Variants in ZNF407 observed in about 807,000 individuals in gnomAD.
ZNF407 encodes zinc finger protein 407.
A neutral mutation model predicts 131.2 loss-of-function variants in ZNF407; 17 were observed. The ratio of observed to expected loss-of-function variants is 0.13; its 90% CI spans 0.09 to 0.19. The LOEUF (loss-of-function observed/expected upper bound fraction) is 0.19, where lower values mean the gene tolerates loss of function less well. Among genes scored for constraint, ZNF407 ranks in the 10% least tolerant of loss-of-function variants. The pLI, the probability that ZNF407 is intolerant of heterozygous loss-of-function variation, is 1.00. For synonymous variants in ZNF407, 1,156 were observed against 1,062.0 expected (o/e 1.09, Z -1.72); for missense variants, 2,681 against 2,830.6 (o/e 0.95, Z 1.20).
chr18:75,009,762 G>T (rs959818005), intron 8 of ZNF407, among the ~76,000 whole-genome samples: 1 of 152,138 alleles, frequency 6.6e-6, no homozygotes, highest in African/African-American at 2.4e-5. Context: ...CAAGATAAAA[G>T]TTACAGAGCC....
intron 8 of ZNF407, among the ~76,000 whole-genome samples, chr18:74,976,600 G>GTC (rs1264417870): frequency 3.3e-5 from 5 of 152,218 alleles, no homozygotes; most frequent in Non-Finnish European, 5.9e-5. Flanking sequence ...ACCCTTCACA[G>GTC]GTAATTTAAC....
intron 4 of ZNF407, among the ~76,000 whole-genome samples, chr18:74,809,169 T>A (rs552268006): frequency 6.6e-6 from 1 of 152,370 alleles, no homozygotes; most frequent in South Asian, 2.1e-4. Context: ...TGCAATTTTA[T>A]GCAAAAGTGA....
chr18:74,827,931 G>T (rs1226708329), intron 4 of ZNF407, among the ~76,000 whole-genome samples: 1 of 152,186 alleles, frequency 6.6e-6, no homozygotes, highest in African/African-American at 2.4e-5. Flanking sequence ...TCTATGAGGA[G>T]ATGAACTCTA....
intron 8 of ZNF407, among the ~76,000 whole-genome samples, chr18:74,963,352 A>G (rs4538097): frequency 0.23 from 34,350 of 152,088 alleles, 5,112 homozygotes; most frequent in African/African-American, 0.41. Flanking sequence ...TACTTATTTA[A>G]TTGTCTCCTT....
intron 8 of ZNF407, among the ~76,000 whole-genome samples, chr18:74,937,343 C>T (rs76967772): frequency 0.016 from 2,401 of 152,202 alleles, 26 homozygotes; most frequent in Middle Eastern, 0.031. Flanking sequence ...TCTCATGCTA[C>T]TATTAGTTTT....
chr18:75,042,717 C>T (rs1973387684), intron 8 of ZNF407, among the ~76,000 whole-genome samples: 1 of 152,218 alleles, frequency 6.6e-6, no homozygotes, highest in Non-Finnish European at 1.5e-5. Context: ...CAAAAAGTTG[C>T]CTAGTGCCAC....
chr18:74,812,182 G>C (rs994917946), intron 4 of ZNF407, among the ~76,000 whole-genome samples: 9 of 152,150 alleles, frequency 5.9e-5, no homozygotes, highest in Admixed American at 5.9e-4. Context: ...CTCTGGATTT[G>C]TGTCTTCGCT....
intron 3 of ZNF407, among the ~76,000 whole-genome samples, chr18:74,777,524 C>T (rs1384509761): frequency 6.6e-6 from 1 of 152,118 alleles, no homozygotes; most frequent in Non-Finnish European, 1.5e-5. Flanking sequence ...GACTGATCTC[C>T]TTCAAAACAG....
chr18:75,029,540 G>A lies in ZNF407; in HGVS notation c.5429-33610G>A, dbSNP rs145544620. ...GCCACCCTGGGCATGGGATGCGGGA[G>A]CACGCTCACCACCTTCATTCAGGGC... On this transcript the variant is annotated intron_variant, in intron 8 of 8. Coordinates refer to ENST00000299687, the MANE Select transcript of ZNF407 (RefSeq NM_017757.3). Among the ~76,000 whole-genome samples the A allele has an allele frequency of 4.7e-3, 713 of 151,646 alleles. 5 individuals carry two copies. The highest frequency in any genetic ancestry group is 0.015 in the African/African-American group (635 of 41,190).
At chr18:74,683,462 G>T (rs1225404333) in intron 3 of ZNF407, among the ~76,000 whole-genome samples, 1 of 152,158 alleles carries the variant, frequency 6.6e-6, no homozygotes, top group Non-Finnish European at 1.5e-5. Context: ...AACAGGATTA[G>T]AAATGTTTGA....
chr18:74,751,774 A>T (rs947934374), intron 3 of ZNF407, among the ~76,000 whole-genome samples: 2 of 152,164 alleles, frequency 1.3e-5, no homozygotes, highest in Non-Finnish European at 2.9e-5. Flanking sequence ...TCTATCATTG[A>T]TGGACATCTG....
chr18:75,007,339 TAGCTTAGACATTTTAACAC>T (rs1378620199), intron 8 of ZNF407, among the ~76,000 whole-genome samples: 1 of 152,194 alleles, frequency 6.6e-6, no homozygotes, highest in African/African-American at 2.4e-5. Flanking sequence ...TTTTGGTGGT[TAGCTTAGACATTTTAACAC>T]ACATGTGACA....
chr18:74,969,891 C>T (rs781409256), intron 8 of ZNF407, among the ~76,000 whole-genome samples: 4 of 152,186 alleles, frequency 2.6e-5, no homozygotes, highest in Non-Finnish European at 5.9e-5. Flanking sequence ...CACTCCCTTC[C>T]TTCCCCACTG....
At chr18:74,767,058 C>T (rs571537447) in intron 3 of ZNF407, among the ~76,000 whole-genome samples, 7 of 152,188 alleles carry the variant, frequency 4.6e-5, no homozygotes, top group Admixed American at 2.6e-4. Context: ...ACCACAGGTG[C>T]GCACCATCAT....
Position 74,788,405 on chromosome 18 carries a change from C to T in ZNF407, c.4877+6903C>T, listed in dbSNP as rs184757916. 2.4e-3 allele frequency among the ~76,000 whole-genome samples: 368 copies of T among 152,156 alleles called. 7 individuals carry two copies. Among genetic ancestry groups the T allele is most frequent in the Admixed American group, 0.022 (338 of 15,272 alleles). On this transcript the variant is annotated intron_variant, in intron 4 of 8. Transcript: ENST00000299687. ...TGCTCTGTTGTAGGAAACTGCTGTG[C>T]ACTTCTGTGTAGTGGTCCAGTGGTG...
chr18:74,746,939 G>C (rs1968683286), intron 3 of ZNF407, among the ~76,000 whole-genome samples: 1 of 152,040 alleles, frequency 6.6e-6, no homozygotes, highest in Non-Finnish European at 1.5e-5. Flanking sequence ...TTATATGTTT[G>C]ACAGCAAAGC....
At chr18:75,027,953 C>T (rs1439105345) in intron 8 of ZNF407, among the ~76,000 whole-genome samples, 2 of 152,190 alleles carry the variant, frequency 1.3e-5, no homozygotes, top group African/African-American at 4.8e-5. Flanking sequence ...CGCTGCTGCA[C>T]TGTGCCGTGG....
chr18:74,956,017 T>C (rs1003000917), intron 8 of ZNF407, among the ~76,000 whole-genome samples: 3 of 152,200 alleles, frequency 2.0e-5, no homozygotes, highest in African/African-American at 7.2e-5. Flanking sequence ...ACTTGCCTTG[T>C]TTCTGGTTCT....
chr18:74,599,559 G>A lies in ZNF407; in HGVS notation c.-54+1622G>A, dbSNP rs1188893673. 7.2e-5 allele frequency among the ~76,000 whole-genome samples: 11 copies of A among 152,276 alleles called. 1 individual carries two copies. In the South Asian group the frequency reaches 2.3e-3, roughly 32 times the overall value. ...ACCTTTTTCTGCTTACTAAAATAGA[G>A]ATGTGGGAGCACAGTGGAAGTTACG... On this transcript the variant is annotated intron_variant, in intron 1 of 8. Coordinates refer to ENST00000299687, the MANE Select transcript of ZNF407 (RefSeq NM_017757.3).
Sources: allele counts gnomAD v4.1 joint callset (sites outside exome capture counted in the v4.1 genomes callset), GRCh38; gene constraint gnomAD v4.1.1; transcripts MANE v1.5; gene names NCBI Gene and HGNC (gene_info 2026-07-23, HGNC 2026-07-21).